The following PTPRN2 variants were observed in gnomAD, a reference collection of about 807,000 sequenced individuals.
PTPRN2 encodes the protein receptor-type tyrosine-protein phosphatase N2.
PTPRN2 carries 74 observed loss-of-function variants against 118.8 expected under a neutral mutation model. The observed-to-expected ratio is 0.62, with a 90% confidence interval of 0.52 to 0.76. The LOEUF (loss-of-function observed/expected upper bound fraction) is 0.76, where lower values mean the gene tolerates loss of function less well. PTPRN2 is among the 30% of genes least tolerant of loss of function. The pLI is 0.00. For synonymous variants in PTPRN2, 641 were observed against 608.0 expected (o/e 1.05, Z -0.80); for missense variants, 1,481 against 1,394.4 (o/e 1.06, Z -0.99).
chr7:157,782,768 A>T (rs1803760858), intron 12 of PTPRN2, among the ~76,000 whole-genome samples: 1 of 152,258 alleles, frequency 6.6e-6, no homozygotes, highest in Admixed American at 6.5e-5. Flanking sequence ...CAGTTTGGAA[A>T]GAGGAATCAG....
At chr7:158,071,700 G>GTGA (rs1554528639) in intron 11 of PTPRN2, among the ~76,000 whole-genome samples, 13 of 133,576 alleles carry the variant, frequency 9.7e-5, no homozygotes, top group African/African-American at 3.1e-4. Context: ...GGTGCTTGTG[G>GTGA]TGGAGGTGCT....
chr7:158,234,874 T>A (rs1318447699), intron 3 of PTPRN2, among the ~76,000 whole-genome samples: 1 of 152,224 alleles, frequency 6.6e-6, no homozygotes, highest in Non-Finnish European at 1.5e-5. Flanking sequence ...GCGATTCTCC[T>A]GCCTCAGCCT....
rs549427406 is a variant in PTPRN2, at chr7:158,178,982, C to G, written c.550-11691G>C. ...TGCAATAAACATATATCTACAGGTG[C>G]CTTTTTGATATATTGATTTCTTTTC... is the stretch of plus-strand genomic sequence containing the variant. On this transcript the variant is annotated intron_variant, in intron 5 of 22. Transcript: ENST00000389418. 8.1e-4 allele frequency among the ~76,000 whole-genome samples: 123 copies of G among 152,222 alleles called. 1 individual carries two copies. The highest frequency in any genetic ancestry group is 1.4e-3 in the Non-Finnish European group (93 of 68,018).
At chr7:158,278,418 G>A (rs79632724) in intron 3 of PTPRN2, among the ~76,000 whole-genome samples, 1,912 of 148,230 alleles carry the variant, frequency 0.013, 48 homozygotes, top group African/African-American at 0.047. Flanking sequence ...GAGGCTGCGG[G>A]TGAAGGTGGG....
intron 2 of PTPRN2, among the ~76,000 whole-genome samples, chr7:158,353,799 G>A (rs369261858): frequency 2.0e-5 from 3 of 152,342 alleles, no homozygotes; most frequent in East Asian, 3.9e-4. Flanking sequence ...ACTTAGAAAG[G>A]TGAGATAACA....
chr7:158,446,713 T>C (rs537822484), intron 2 of PTPRN2, among the ~76,000 whole-genome samples: 78 of 152,268 alleles, frequency 5.1e-4, no homozygotes, highest in Non-Finnish European at 9.3e-4. Context: ...TTCATCTATC[T>C]GGATTTTTGG....
chr7:157,836,049 T>C (rs1038149801), intron 12 of PTPRN2, among the ~76,000 whole-genome samples: 3 of 152,244 alleles, frequency 2.0e-5, no homozygotes, highest in African/African-American at 7.2e-5. Context: ...CTCGTGAGTC[T>C]ATTTCAGAAA....
At chr7:157,683,672 A>G (rs1263555) in intron 12 of PTPRN2, among the ~76,000 whole-genome samples, 68,262 of 151,860 alleles carry the variant, frequency 0.45, 15,723 homozygotes, top group East Asian at 0.61. Flanking sequence ...TGCTTCTTGG[A>G]GGGCGGGGGT....
In PTPRN2 at chr7:158,470,448, G is replaced by T. The variant is rs548673306; in HGVS notation, c.163+19287C>A. 4.6e-5 allele frequency among the ~76,000 whole-genome samples: 7 copies of T among 152,332 alleles called. No homozygotes were observed. The South Asian group carries it at 1.4e-3, about 32-fold the overall frequency. Reference sequence around the variant, plus strand: ...CCTCTAAGAGCTCAGCTCCTGAAAAGGTTCACGCGAGGATGCTCACAGCAG... The same window carrying T: ...CCTCTAAGAGCTCAGCTCCTGAAAATGTTCACGCGAGGATGCTCACAGCAG... On this transcript the variant is annotated intron_variant, in intron 2 of 22. Coordinates refer to ENST00000389418, the MANE Select transcript of PTPRN2 (RefSeq NM_002847.5).
rs1823684724 is a variant in PTPRN2 at position 158,517,850 on chromosome 7, G to T, written c.113-28065C>A. 6.6e-6 allele frequency among the ~76,000 whole-genome samples: 1 copy of T among 152,108 alleles called. No homozygotes were observed. Among genetic ancestry groups the T allele is most frequent in the Non-Finnish European group, 1.5e-5 (1 of 68,026 alleles). ...TCACACATCCCACACACCCCGGTTTGTTCCCACCAGGCCTTCACTAACATG... is the reference window on the plus strand; with the variant it reads ...TCACACATCCCACACACCCCGGTTTTTTCCCACCAGGCCTTCACTAACATG... On this transcript the variant is annotated intron_variant, in intron 1 of 22. Coordinates refer to ENST00000389418, the MANE Select transcript of PTPRN2 (RefSeq NM_002847.5). The surrounding 1 kb of genome is among the most constrained non-coding windows in gnomAD (Gnocchi z 5.3).
At chr7:158,447,679 T>A (rs1817819825) in intron 2 of PTPRN2, among the ~76,000 whole-genome samples, 1 of 152,250 alleles carries the variant, frequency 6.6e-6, no homozygotes, top group African/African-American at 2.4e-5. Context: ...AAAGCAAACA[T>A]CCCTCCAAGG....
chr7:157,550,310 A>C lies in PTPRN2; in HGVS notation c.2903-1291T>G, dbSNP rs1469713692. Among the ~76,000 whole-genome samples, 1 of 151,414 alleles carries C rather than the reference A, an allele frequency of 6.6e-6. No individual in the cohort carries two copies. The highest frequency in any genetic ancestry group is 1.5e-5 in the Non-Finnish European group (1 of 67,444). ...CTGCGAAGCACCTCCAAGTCACAGC[A>C]GGTGCCTGCGAAGCACCTCCAAGTC... On this transcript the variant is annotated intron_variant, in intron 21 of 22. Coordinates refer to ENST00000389418, the MANE Select transcript of PTPRN2 (RefSeq NM_002847.5). This position sits in a 1 kb window ranked among gnomAD's most constrained non-coding sequence, Gnocchi z 5.2.
intron 12 of PTPRN2, among the ~76,000 whole-genome samples, chr7:157,842,664 C>T (rs1402948982): frequency 6.6e-6 from 1 of 152,118 alleles, no homozygotes; most frequent in African/African-American, 2.4e-5. Context: ...TCGCCCACCT[C>T]AGCCTCCCAA....
chr7:157,607,244 C>A (rs910986445), intron 15 of PTPRN2, among the ~76,000 whole-genome samples: 7 of 152,218 alleles, frequency 4.6e-5, no homozygotes, highest in African/African-American at 1.7e-4. Context: ...AACATTGATT[C>A]CAGAAACCCA....
At chr7:157,989,246 T>C (rs569468919) in intron 11 of PTPRN2, among the ~76,000 whole-genome samples, 156 of 152,148 alleles carry the variant, frequency 1.0e-3, no homozygotes, top group African/African-American at 3.5e-3. Context: ...GGTGAAACTC[T>C]GTCTCTACTA....
chr7:157,798,315 T>C (rs1341359421), intron 12 of PTPRN2, among the ~76,000 whole-genome samples: 1 of 152,208 alleles, frequency 6.6e-6, no homozygotes, highest in Non-Finnish European at 1.5e-5. Context: ...TTTTGGAATG[T>C]GAAATTGCCT....
intron 11 of PTPRN2, among the ~76,000 whole-genome samples, chr7:158,057,121 C>T (rs547668763): frequency 8.5e-5 from 13 of 152,338 alleles, no homozygotes; most frequent in South Asian, 4.1e-4. Context: ...CCTGTGGACG[C>T]GGGAGCATCT....
intron 11 of PTPRN2, among the ~76,000 whole-genome samples, chr7:157,935,256 T>C (rs1360258108): frequency 6.6e-6 from 1 of 152,228 alleles, no homozygotes; most frequent in Non-Finnish European, 1.5e-5. Flanking sequence ...TCTTGGCTCA[T>C]CTTCTGGAAC....
rs113101010 is a variant in PTPRN2, at chr7:158,212,326, C to T, written c.278-7053G>A. Among the ~76,000 whole-genome samples the T allele has an allele frequency of 5.6e-3, 852 of 152,228 alleles. 11 individuals carry two copies. Among genetic ancestry groups the T allele is most frequent in the African/African-American group, 0.02 (813 of 41,538 alleles). The stretch of plus-strand genomic sequence containing the variant: ...TAAGATCTGGTACTTGATAGCACAA[C>T]AGGGTAACTACAGTCAACAATAATT... On this transcript the variant is annotated intron_variant, in intron 3 of 22. Transcript: ENST00000389418.
Sources: gnomAD v4.1 joint callset for allele counts (sites outside exome capture counted in the v4.1 genomes callset) on GRCh38, gnomAD v4.1.1 for gene constraint, Gnocchi (gnomAD v3.1) non-coding constraint, MANE v1.5 for transcripts, NCBI Gene and HGNC (gene_info 2026-07-23, HGNC 2026-07-21) for gene names.